Variants in FHIP1A observed in about 807,000 individuals in gnomAD.
FHIP1A encodes the protein FHF complex subunit HOOK interacting protein 1A.
FHIP1A carries 61 observed loss-of-function variants against 88.6 expected under a neutral mutation model. The observed-to-expected ratio is 0.69, with a 90% confidence interval of 0.56 to 0.85. FHIP1A has a LOEUF of 0.85. Among genes scored for constraint, FHIP1A ranks in the 40% least tolerant of loss-of-function variants. The pLI is 0.00. For synonymous variants in FHIP1A, 478 were observed against 496.0 expected, an observed-to-expected ratio of 0.96 and a Z score of 0.48; for missense variants, 1,154 against 1,273.5, an observed-to-expected ratio of 0.91 and a Z score of 1.43.
chr4:151,656,899 G>T lies in FHIP1A; in HGVS notation c.2869+1G>T, dbSNP rs1341141138. 1 of 1,547,848 alleles carries T rather than the reference G, an allele frequency of 6.5e-7. No homozygotes were observed. On this transcript the variant is annotated splice_donor_variant, in intron 13 of 13. Coordinates refer to ENST00000435205, the MANE Select transcript of FHIP1A (RefSeq NM_001109977.3). LOFTEE classifies it high-confidence loss of function. The surrounding 1 kb of genome is among the most constrained non-coding windows in gnomAD (Gnocchi z 4.2). The stretch of plus-strand genomic sequence containing the variant: ...ATGACCCCTGCAGCACTAACCAAAG[G>T]TAAGCCAGGTTTCTCCACAGCGCCC...
At chr4:151,462,969 T>G (rs1729191264) in intron 2 of FHIP1A, among the ~76,000 whole-genome samples, 1 of 152,150 alleles carries the variant, frequency 6.6e-6, no homozygotes, top group African/African-American at 2.4e-5. Context: ...TGGTTTGACT[T>G]TAGATTCTAA....
At chr4:151,600,507 A>T (rs1734823716) in intron 7 of FHIP1A, among the ~76,000 whole-genome samples, 1 of 152,206 alleles carries the variant, frequency 6.6e-6, no homozygotes, top group Non-Finnish European at 1.5e-5. Flanking sequence ...TGGTTACAAC[A>T]GTGTGTTGTT....
intron 3 of FHIP1A, among the ~76,000 whole-genome samples, chr4:151,535,242 GCA>G (rs1235694906): frequency 6.6e-6 from 1 of 152,140 alleles, no homozygotes; most frequent in Non-Finnish European, 1.5e-5. Flanking sequence ...GAAATTCCTT[GCA>G]CAGTGTTTAT....
chr4:151,466,150 A>G lies in FHIP1A; in HGVS notation c.-248+11342A>G, dbSNP rs563979885. On this transcript the variant is annotated intron_variant, in intron 2 of 13. Coordinates refer to ENST00000435205, the MANE Select transcript of FHIP1A (RefSeq NM_001109977.3). ...CAGCAGAGTTTCAGGATACAAAATC[A>G]TTATGCAAAAATCACAAGCATTTGT... is the stretch of plus-strand genomic sequence containing the variant. Among the ~76,000 whole-genome samples the G allele has an allele frequency of 9.2e-5, 14 of 152,334 alleles. No individual in the cohort carries two copies. The East Asian group carries it at 1.5e-3, about 17-fold the overall frequency.
At chr4:151,529,949 T>C (rs370779288) in intron 3 of FHIP1A, among the ~76,000 whole-genome samples, 1 of 152,280 alleles carries the variant, frequency 6.6e-6, no homozygotes, top group African/African-American at 2.4e-5. Flanking sequence ...ACTGGCCCTT[T>C]CTTATTCTTG....
At chr4:151,573,880 G>T (rs1474106991) in intron 4 of FHIP1A, among the ~76,000 whole-genome samples, 1 of 152,224 alleles carries the variant, frequency 6.6e-6, no homozygotes, top group East Asian at 1.9e-4. Context: ...TCAGAGATCA[G>T]TTTATAGAAA....
chr4:151,637,209 ACT>A (rs756462976), intron 8 of FHIP1A, among the ~76,000 whole-genome samples: 4 of 152,202 alleles, frequency 2.6e-5, no homozygotes, highest in Admixed American at 1.3e-4. Context: ...AAACTATAAA[ACT>A]CTTAGAAGAA....
chr4:151,571,113 A>G (rs1431117314), intron 4 of FHIP1A, among the ~76,000 whole-genome samples: 1 of 152,228 alleles, frequency 6.6e-6, no homozygotes, highest in Non-Finnish European at 1.5e-5. Context: ...TTTTGATGGC[A>G]CAATTGTACT....
chr4:151,442,485 T>C (rs995489778), intron 1 of FHIP1A, among the ~76,000 whole-genome samples: 1 of 152,192 alleles, frequency 6.6e-6, no homozygotes, highest in African/African-American at 2.4e-5. Context: ...CTCTTGTTCT[T>C]CCTTTCTCTG....
At chr4:151,619,320 GGTTA>G (rs1735652855) in intron 7 of FHIP1A, among the ~76,000 whole-genome samples, 1 of 152,066 alleles carries the variant, frequency 6.6e-6, no homozygotes, top group Admixed American at 6.5e-5. Flanking sequence ...GTCTCTTATT[GGTTA>G]GTTAACAGAA....
chr4:151,619,934 A>G (rs1735673276), intron 7 of FHIP1A, among the ~76,000 whole-genome samples: 1 of 152,246 alleles, frequency 6.6e-6, no homozygotes, highest in South Asian at 2.1e-4. Context: ...GCCAAAACAT[A>G]CATAGTAACA....
At chr4:151,549,736 C>T (rs182608545) in intron 3 of FHIP1A, among the ~76,000 whole-genome samples, 1 of 152,124 alleles carries the variant, frequency 6.6e-6, no homozygotes, top group East Asian at 1.9e-4. Context: ...ACTCTATGGA[C>T]TCACCTTGAA....
intron 1 of FHIP1A, among the ~76,000 whole-genome samples, chr4:151,441,773 G>C (rs185694677): frequency 6.6e-6 from 1 of 152,194 alleles, no homozygotes; most frequent in African/African-American, 2.4e-5. Flanking sequence ...CTTGTTCTGT[G>C]CAGATTAATC....
intron 11 of FHIP1A, among the ~76,000 whole-genome samples, chr4:151,653,111 T>C (rs1301467954): frequency 1.3e-5 from 2 of 152,150 alleles, no homozygotes; most frequent in Non-Finnish European, 2.9e-5. Flanking sequence ...TCTAGGAATG[T>C]CCTCAGAGCT....
chr4:151,617,765 A>C (rs1170958156), intron 7 of FHIP1A, among the ~76,000 whole-genome samples: 1 of 152,132 alleles, frequency 6.6e-6, no homozygotes, highest in Non-Finnish European at 1.5e-5. Flanking sequence ...GTGTGCCTGT[A>C]ATCCCAGCTA....
chr4:151,668,648 T>G lies in FHIP1A; in HGVS notation c.*5894T>G, dbSNP rs990761397. On this transcript the variant is annotated 3_prime_UTR_variant, in exon 14 of 14. Transcript: ENST00000435205. Reference sequence around the variant, plus strand: ...CAGAACGCAGAAGCCTAGTAGTTGGTATCACCAGTGTCTCTTCAAAAGGGC... The same window carrying G: ...CAGAACGCAGAAGCCTAGTAGTTGGGATCACCAGTGTCTCTTCAAAAGGGC... Among the ~76,000 whole-genome samples, 1 of 152,240 alleles carries G rather than the reference T, an allele frequency of 6.6e-6. No homozygotes were observed. The highest frequency in any genetic ancestry group is 1.5e-5 in the Non-Finnish European group (1 of 68,046).
chr4:151,619,215 A>G (rs1039314347), intron 7 of FHIP1A, among the ~76,000 whole-genome samples: 1 of 152,226 alleles, frequency 6.6e-6, no homozygotes, highest in African/African-American at 2.4e-5. Flanking sequence ...AGCAAACAAA[A>G]TATAAGTAGT....
intron 1 of FHIP1A, among the ~76,000 whole-genome samples, chr4:151,416,976 G>A (rs1732914640): frequency 6.6e-6 from 1 of 152,032 alleles, no homozygotes; most frequent in Non-Finnish European, 1.5e-5. Context: ...GTAGAGACAA[G>A]GTTTTGGCAT....
At chr4:151,436,204 G>A (rs1422968783) in intron 1 of FHIP1A, among the ~76,000 whole-genome samples, 2 of 152,082 alleles carry the variant, frequency 1.3e-5, no homozygotes, top group Non-Finnish European at 2.9e-5. Context: ...ACATTTCTTG[G>A]TTTTCATTAG....
Sources: gnomAD v4.1 joint callset for allele counts (sites outside exome capture counted in the v4.1 genomes callset) on GRCh38, gnomAD v4.1.1 for gene constraint, Gnocchi (gnomAD v3.1) non-coding constraint, MANE v1.5 for transcripts, NCBI Gene and HGNC (gene_info 2026-07-23, HGNC 2026-07-21) for gene names.